TBC1D1: variants seen among roughly 807,000 people sequenced by gnomAD.
TBC1D1 encodes TBC1 (tre-2/USP6, BUB2, cdc16) domain family, member 1.
A neutral mutation model predicts 125.6 loss-of-function variants in TBC1D1; 89 were observed. That is an observed-to-expected ratio of 0.71 (90% CI 0.60 to 0.85). The LOEUF (loss-of-function observed/expected upper bound fraction) is 0.85. Among genes scored for constraint, TBC1D1 ranks in the 40% least tolerant of loss-of-function variants. TBC1D1 has a pLI of 0.00. For synonymous variants in TBC1D1, 565 were observed against 564.1 expected, an observed-to-expected ratio of 1.00 and a Z score of -0.02; for missense variants, 1,377 against 1,469.2, an observed-to-expected ratio of 0.94 and a Z score of 1.03.
At chr4:38,053,201 C>T in intron 11 of TBC1D1, 1 of 1,521,626 alleles carries the variant, frequency 6.6e-7, no homozygotes, top group Non-Finnish European at 8.8e-7. Flanking sequence ...GAAAATAACA[C>T]CTCTGATTTT....
In TBC1D1 at chr4:38,138,608, A is replaced by C. The variant is rs1362311112; in HGVS notation, c.*1273A>C. On this transcript the variant is annotated 3_prime_UTR_variant, in exon 20 of 20. Transcript: ENST00000261439. ...TGCTGCTCACGGTTGTCCTGCTTGCAGCCAGTCACTGTGTAAAGCCTCTCT... is the reference window on the plus strand; with the variant it reads ...TGCTGCTCACGGTTGTCCTGCTTGCCGCCAGTCACTGTGTAAAGCCTCTCT... The C allele has an allele frequency of 6.5e-6, 1 of 152,672 alleles. No individual in the cohort carries two copies. Among genetic ancestry groups the C allele is most frequent in the Non-Finnish European group, 1.5e-5 (1 of 68,052 alleles). 9.5% of individuals were successfully genotyped at this position (152,672 alleles called of 1,614,324 possible).
At chr4:38,122,511 A>G (rs914199303) in intron 17 of TBC1D1, among the ~76,000 whole-genome samples, 2 of 152,110 alleles carry the variant, frequency 1.3e-5, no homozygotes, top group Non-Finnish European at 2.9e-5. Flanking sequence ...ATTAATCCTG[A>G]GGTCTGACCT....
chr4:38,060,544 GA>G, intron 12 of TBC1D1: 1 of 960,696 alleles, frequency 1.0e-6, no homozygotes, highest in Non-Finnish European at 1.4e-6. Flanking sequence ...GTCTGTTCAT[GA>G]GAGAGACATA....
chr4:38,121,544 G>A (rs1439909286), intron 17 of TBC1D1, among the ~76,000 whole-genome samples: 5 of 152,178 alleles, frequency 3.3e-5, no homozygotes, highest in African/African-American at 1.2e-4. Flanking sequence ...GGAAGAGGCA[G>A]GAGAAAAGTC....
intron 2 of TBC1D1, among the ~76,000 whole-genome samples, chr4:37,974,689 C>G (rs1732709388): frequency 1.3e-5 from 2 of 152,178 alleles, no homozygotes; most frequent in African/African-American, 4.8e-5. Context: ...TCCTGAGTAG[C>G]TGGGATTACA....
At chr4:37,993,426 A>G (rs1443995061) in intron 2 of TBC1D1, among the ~76,000 whole-genome samples, 1 of 151,996 alleles carries the variant, frequency 6.6e-6, no homozygotes, top group Non-Finnish European at 1.5e-5. Context: ...GCTTTTGAAA[A>G]TGTCATTAGG....
intron 1 of TBC1D1, among the ~76,000 whole-genome samples, chr4:37,900,977 C>T (rs1357774385): frequency 1.3e-5 from 2 of 150,990 alleles, no homozygotes; most frequent in Non-Finnish European, 2.9e-5. Flanking sequence ...AAGGCTGAGG[C>T]AGGAGAATTG....
At chr4:37,997,790 T>C (rs1020275666) in intron 2 of TBC1D1, among the ~76,000 whole-genome samples, 3 of 151,996 alleles carry the variant, frequency 2.0e-5, no homozygotes, top group African/African-American at 7.2e-5. Context: ...TTTTTTTTTT[T>C]TAAAAGAGAA....
chr4:37,979,938 C>G (rs1252573419), intron 2 of TBC1D1, among the ~76,000 whole-genome samples: 1 of 152,230 alleles, frequency 6.6e-6, no homozygotes, highest in Non-Finnish European at 1.5e-5. Flanking sequence ...CGCCACCACC[C>G]CCGCTAATTT....
At position 38,137,151 on chromosome 4, in the gene TBC1D1, T is replaced by C. The variant is rs755654819; in HGVS notation, c.3323T>C (p.Ile1108Thr). ...ATTCTCCAGGTGGCAAATGGTAGGA[T>C]CCAAAGCCTTGAGGCCACCATTGAG... Residue 1108 changes from isoleucine (I) to threonine (T), a missense_variant, in exon 20 of 20, where the codon ATC (isoleucine) becomes ACC (threonine). Coordinates refer to ENST00000261439, the MANE Select transcript of TBC1D1 (RefSeq NM_015173.4). The C allele has an allele frequency of 6.2e-7, 1 of 1,613,440 alleles. No homozygotes were observed. Among genetic ancestry groups the C allele is most frequent in the South Asian group, 1.1e-5 (1 of 91,050 alleles).
intron 2 of TBC1D1, among the ~76,000 whole-genome samples, chr4:37,943,638 G>A (rs1404930982): frequency 6.6e-6 from 1 of 152,160 alleles, no homozygotes; most frequent in Non-Finnish European, 1.5e-5. Context: ...CAGCTACGAA[G>A]CTTGTGCATT....
At chr4:38,006,637 C>T in intron 2 of TBC1D1, 1 of 225,576 alleles carries the variant, frequency 4.4e-6, no homozygotes, top group South Asian at 5.3e-5. Flanking sequence ...TGCCACCACG[C>T]CCGGCTAATT....
In TBC1D1 at chr4:37,918,691, G is replaced by A. The variant is rs558985134; in HGVS notation, c.417+16179G>A. Among the ~76,000 whole-genome samples, 308 of 152,222 alleles carry A rather than the reference G, an allele frequency of 2.0e-3. 1 individual carries two copies. Among genetic ancestry groups the A allele is most frequent in the African/African-American group, 7.2e-3 (299 of 41,536 alleles). On this transcript the variant is annotated intron_variant, in intron 2 of 19. Transcript: ENST00000261439. ...TCAAACTCCCGACCTCAGGTGGCCC[G>A]CCTGCCTTGGCTTCCCAAAGTGCTG...
intron 3 of TBC1D1, 43 bp from the exon 4 acceptor site, chr4:38,018,311 T>G (rs776472697): frequency 2.2e-5 from 31 of 1,395,400 alleles, no homozygotes; most frequent in Non-Finnish European, 2.9e-5. Context: ...GGTCATGAAA[T>G]GAGAAAGTTT....
chr4:37,922,943 G>A (rs13102384), intron 2 of TBC1D1, among the ~76,000 whole-genome samples: 57,697 of 151,690 alleles, frequency 0.38, 11,383 homozygotes, highest in East Asian at 0.64. Context: ...TGGATGGGGT[G>A]GCAAAGTTCT....
intron 12 of TBC1D1, among the ~76,000 whole-genome samples, chr4:38,069,597 C>T (rs191567930): frequency 6.6e-6 from 1 of 152,134 alleles, no homozygotes; most frequent in Admixed American, 6.5e-5. Context: ...CTTTATTCTG[C>T]ACACCAGCTC....
intron 2 of TBC1D1, chr4:37,952,756 C>T (rs1728154269): frequency 6.6e-6 from 1 of 152,356 alleles, no homozygotes. Context: ...AACAAACCTG[C>T]ACATCCTGCA....
chr4:37,959,759 T>C (rs771212576), intron 2 of TBC1D1, among the ~76,000 whole-genome samples: 2 of 152,146 alleles, frequency 1.3e-5, no homozygotes, highest in Non-Finnish European at 2.9e-5. Flanking sequence ...TGGACTAGAT[T>C]GGGGTTGGGT....
chr4:38,125,115 A>G lies in TBC1D1; in HGVS notation c.3116A>G (p.Glu1039Gly), dbSNP rs2152614296. The change falls in exon 18 of 20, where the codon GAA becomes GGA. Residue 1039 changes from glutamate (E) to glycine (G), a missense_variant. Transcript: ENST00000261439. ...CCCAACCTTGGCTTGGTACAGATGGAAAAGACCATCAATCAGGTATGAGTC... is the reference window on the plus strand; with the variant it reads ...CCCAACCTTGGCTTGGTACAGATGGGAAAGACCATCAATCAGGTATGAGTC... 1 of 1,614,092 alleles carries G rather than the reference A, an allele frequency of 6.2e-7. No individual in the cohort carries two copies. Among genetic ancestry groups the G allele is most frequent in the East Asian group, 2.2e-5 (1 of 44,884 alleles).
Sources: gnomAD v4.1 joint callset for allele counts (sites outside exome capture counted in the v4.1 genomes callset) on GRCh38, gnomAD v4.1.1 for gene constraint, MANE v1.5 for transcripts, NCBI Gene and HGNC (gene_info 2026-07-23, HGNC 2026-07-21) for gene names.